KLF13: variants seen among roughly 807,000 people sequenced by gnomAD.
KLF13 encodes KLF transcription factor 13, also known as Krueppel-like factor 13.
A neutral mutation model predicts 16.7 loss-of-function variants in KLF13; 8 were observed. That is an observed-to-expected ratio of 0.48 (90% confidence interval 0.28 to 0.87). The LOEUF (loss-of-function observed/expected upper bound fraction) is 0.87. Among genes scored for constraint, KLF13 ranks in the 40% least tolerant of loss-of-function variants. The pLI is 0.10. For synonymous variants in KLF13, 245 were observed against 208.4 expected, an observed-to-expected ratio of 1.18 and a Z score of -1.51; for missense variants, 447 against 452.2, an observed-to-expected ratio of 0.99 and a Z score of 0.10.
At chr15:31,331,155 CCT>C (rs945796712) in intron 1 of KLF13, among the ~76,000 whole-genome samples, 2 of 152,336 alleles carry the variant, frequency 1.3e-5, no homozygotes, top group Non-Finnish European at 2.9e-5. Context: ...TGCTCTGTGC[CCT>C]GTTTTCCCTC....
intron 1 of KLF13, among the ~76,000 whole-genome samples, chr15:31,386,835 T>C (rs1595490449): frequency 6.6e-6 from 1 of 152,184 alleles, no homozygotes; most frequent in Non-Finnish European, 1.5e-5. Flanking sequence ...CCATTAAAAA[T>C]ACACTAAATC....
At chr15:31,402,807 G>A (rs560750487) in intron 2 of KLF13, among the ~76,000 whole-genome samples, 1 of 152,140 alleles carries the variant, frequency 6.6e-6, no homozygotes, top group South Asian at 2.1e-4. Context: ...GGCTGTTCTG[G>A]CTCAGCCAAC....
At chr15:31,424,013 A>G (rs1353495879) in intron 1 of KLF13, among the ~76,000 whole-genome samples, 1 of 152,204 alleles carries the variant, frequency 6.6e-6, no homozygotes, top group East Asian at 1.9e-4. Flanking sequence ...CTCTAGAAAC[A>G]TACAACCTAC....
intron 1 of KLF13, among the ~76,000 whole-genome samples, chr15:31,411,216 A>G (rs971754341): frequency 2.0e-5 from 3 of 152,180 alleles, no homozygotes; most frequent in African/African-American, 7.2e-5. Context: ...AGATGCAACA[A>G]TCATCAATAT....
intron 1 of KLF13, among the ~76,000 whole-genome samples, chr15:31,413,202 A>C (rs567103484): frequency 9.2e-4 from 134 of 146,004 alleles, no homozygotes; most frequent in South Asian, 1.8e-3. Flanking sequence ...AAAAAAAAAA[A>C]CAAAAAACAA....
In KLF13 at chr15:31,372,898, C is replaced by G; in HGVS notation, c.*599C>G. The G allele has an allele frequency of 6.6e-6, 1 of 152,408 alleles. No individual in the cohort carries two copies. Among genetic ancestry groups the G allele is most frequent in the East Asian group, 1.9e-4 (1 of 5,192 alleles). The allele number at this position is 152,408 out of a possible 1,614,324, so 9.4% of individuals were successfully genotyped here. ...GCCCCTGCAGAGGGATGCCTTAAAG[C>G]TGTCCCTGGCTGGAGGAGCACTCCA... On this transcript the variant is annotated 3_prime_UTR_variant, in exon 2 of 2. Coordinates refer to ENST00000307145, the MANE Select transcript of KLF13 (RefSeq NM_015995.4).
At chr15:31,365,066 G>T (rs1230031356) in intron 1 of KLF13, among the ~76,000 whole-genome samples, 1 of 152,188 alleles carries the variant, frequency 6.6e-6, no homozygotes, top group African/African-American at 2.4e-5. Flanking sequence ...AAACATTGCA[G>T]TCTTGAGGTT....
chr15:31,377,209 C>G lies in KLF13; in HGVS notation c.*4910C>G, dbSNP rs981990955. 4.6e-5 allele frequency: 7 copies of G among 152,680 alleles called. No individual in the cohort carries two copies. Among genetic ancestry groups the G allele is most frequent in the African/African-American group, 1.7e-4 (7 of 41,444 alleles). 9.5% of individuals were successfully genotyped at this position (152,680 alleles called of 1,614,324 possible). On this transcript the variant is annotated 3_prime_UTR_variant, in exon 2 of 2. Coordinates refer to ENST00000307145, the MANE Select transcript of KLF13 (RefSeq NM_015995.4). ...GCAAGAGGCCACCTCCCATGTGGCT[C>G]TAGACACCACGTGGGCTCATTAGCC...
At chr15:31,404,970 CA>C (rs995192060), downstream of KLF13, among the ~76,000 whole-genome samples, 2 of 152,142 alleles carry the variant, frequency 1.3e-5, no homozygotes, top group African/African-American at 4.8e-5. Flanking sequence ...CACCCTGCCT[CA>C]AAGAGGCTAC....
At chr15:31,407,679 G>T (rs974606667), downstream of KLF13, among the ~76,000 whole-genome samples, 2 of 152,032 alleles carry the variant, frequency 1.3e-5, no homozygotes, top group African/African-American at 2.4e-5. Context: ...CCAAACTACA[G>T]AACTAAATCA....
Position 31,423,164 on chromosome 15 carries a change from T to TACGTATATATAC in KLF13, n.118-12206_118-12205insACGTATATATAC, listed in dbSNP as rs371896440. On this transcript the variant is annotated intron_variant and non_coding_transcript_variant, in intron 1 of 1. Coordinates refer to the KLF13 transcript ENST00000558225. ...GTATACGTATATATACGTATATATA[T>TACGTATATATAC]GTATATATATACATATATACGTATA... Among the ~76,000 whole-genome samples, 28 of 25,374 alleles carry TACGTATATATAC rather than the reference T, an allele frequency of 1.1e-3. 5 individuals are homozygous for TACGTATATATAC. Among genetic ancestry groups the TACGTATATATAC allele is most frequent in the African/African-American group, 8.2e-3 (23 of 2,802 alleles). 16.6% of individuals were successfully genotyped at this position (25,374 alleles called of 152,430 possible). A position where few individuals can be genotyped will look rare whatever the true frequency, so the allele number is the denominator to read the frequency against.
downstream of KLF13, among the ~76,000 whole-genome samples, chr15:31,381,531 ACTAGTCCAGGATGAGCCCCCCAT>A (rs1250087117): frequency 2.6e-5 from 4 of 152,072 alleles, no homozygotes. Flanking sequence ...CCAACCCTGA[ACTAGTCCAGGATGAGCCCCCCAT>A]CCACCCCAGC....
chr15:31,380,450 C>T (rs1475683783), downstream of KLF13, among the ~76,000 whole-genome samples: 4 of 152,134 alleles, frequency 2.6e-5, no homozygotes, highest in African/African-American at 4.8e-5. Context: ...GCCCAGTTAG[C>T]GTTCAGAGGA....
At chr15:31,386,695 GGACTTTCAAA>G (rs1224856895) in intron 1 of KLF13, among the ~76,000 whole-genome samples, 1 of 152,190 alleles carries the variant, frequency 6.6e-6, no homozygotes, top group African/African-American at 2.4e-5. Context: ...ATCCCATCTA[GGACTTTCAAA>G]GCTAGAGATA....
At chr15:31,371,082 C>G (rs1353780411) in intron 1 of KLF13, among the ~76,000 whole-genome samples, 3 of 152,160 alleles carry the variant, frequency 2.0e-5, no homozygotes, top group Non-Finnish European at 4.4e-5. Context: ...GCGGCCACCC[C>G]TAATACAAGA....
At chr15:31,410,103 G>C (rs978184459) in intron 1 of KLF13, among the ~76,000 whole-genome samples, 1 of 152,042 alleles carries the variant, frequency 6.6e-6, no homozygotes. Context: ...ATAGCAGAAA[G>C]GATGGAGGAA....
chr15:31,406,238 A>G (rs1595504056), downstream of KLF13, among the ~76,000 whole-genome samples: 1 of 152,294 alleles, frequency 6.6e-6, no homozygotes. Context: ...GCACTTTGGG[A>G]GGCCAAGGCA....
At position 31,373,443 on chromosome 15, in the gene KLF13, C is replaced by T. The variant is rs1038652219; in HGVS notation, c.*1144C>T. On this transcript the variant is annotated 3_prime_UTR_variant, in exon 2 of 2. Transcript: ENST00000307145. ...TCGGAGAGCGCGCATTCTATTTCCTCCGCAGGGAATGCCAGATAGAAAGTT... is the reference window on the plus strand; with the variant it reads ...TCGGAGAGCGCGCATTCTATTTCCTTCGCAGGGAATGCCAGATAGAAAGTT... The T allele has an allele frequency of 2.0e-5, 3 of 152,298 alleles. No homozygotes were observed. The highest frequency in any genetic ancestry group is 7.2e-5 in the African/African-American group (3 of 41,480). The allele number at this position is 152,298 out of a possible 1,614,324, so 9.4% of individuals were successfully genotyped here.
At chr15:31,341,352 G>A (rs1210233609) in intron 1 of KLF13, among the ~76,000 whole-genome samples, 1 of 152,160 alleles carries the variant, frequency 6.6e-6, no homozygotes, top group Admixed American at 6.5e-5. Flanking sequence ...GTGTTCACGT[G>A]TGTGTACGTG....
Sources: allele counts gnomAD v4.1 joint callset (sites outside exome capture counted in the v4.1 genomes callset), GRCh38; gene constraint gnomAD v4.1.1; transcripts MANE v1.5; gene names NCBI Gene and HGNC (gene_info 2026-07-23, HGNC 2026-07-21).